The following HIKESHI variants were observed in gnomAD, a reference collection of about 807,000 sequenced individuals.
HIKESHI encodes heat shock protein nuclear import factor hikeshi.
In HIKESHI, 13 loss-of-function variants were observed where a neutral mutation model predicts 25.7. The ratio of observed to expected loss-of-function variants is 0.51; its 90% CI spans 0.33 to 0.80. HIKESHI has a LOEUF of 0.80. Ranked by LOEUF, HIKESHI falls within the 30% of genes least tolerant of loss-of-function variation. The pLI, the probability that HIKESHI is intolerant of heterozygous loss-of-function variation, is 0.02. For synonymous variants in HIKESHI, 76 were observed against 78.7 expected, an observed-to-expected ratio of 0.97 and a Z score of 0.18; for missense variants, 174 against 229.5, an observed-to-expected ratio of 0.76 and a Z score of 1.56.
rs1320763809 is a variant in HIKESHI at position 86,306,413 on chromosome 11, T to C, written c.199T>C (p.Trp67Arg). The C allele has an allele frequency of 6.2e-7, 1 of 1,614,066 alleles. No individual in the cohort carries two copies. The highest frequency in any genetic ancestry group is 2.2e-5 in the East Asian group (1 of 44,872). ...SYPDSNGMPV[W>R]QLLGFVTNGK... is the part of the protein sequence containing the mutation. The stretch of plus-strand genomic sequence containing the variant: ...TCCTGATTCAAATGGAATGCCAGTA[T>C]GGCAACTCCTAGGATTTGTCACGAA... The change falls in exon 2 of 5, where the codon TGG becomes CGG. Residue 67 changes from tryptophan to arginine, a missense_variant. Coordinates refer to ENST00000278483, the MANE Select transcript of HIKESHI (RefSeq NM_016401.4).
At chr11:86,307,361 G>A (rs1329887036) in intron 2 of HIKESHI, among the ~76,000 whole-genome samples, 1 of 85,106 alleles carries the variant, frequency 1.2e-5, no homozygotes, top group Non-Finnish European at 2.2e-5. Flanking sequence ...TATATATTAT[G>A]TGTAATATAC....
At chr11:86,310,571 T>G (rs1218514968) in intron 2 of HIKESHI, among the ~76,000 whole-genome samples, 1 of 152,210 alleles carries the variant, frequency 6.6e-6, no homozygotes, top group Admixed American at 6.5e-5. Flanking sequence ...TTTTGCCTGA[T>G]TGCCCTGGCC....
At chr11:86,319,217 AATATAT>A (rs139667221) in intron 2 of HIKESHI, among the ~76,000 whole-genome samples, 16 of 115,030 alleles carry the variant, frequency 1.4e-4, no homozygotes, top group Middle Eastern at 4.3e-3. Flanking sequence ...CTGGCTTAAA[AATATAT>A]ATATATATAT....
chr11:86,326,100 C>A (rs928032908), intron 2 of HIKESHI, among the ~76,000 whole-genome samples: 13 of 152,234 alleles, frequency 8.5e-5, no homozygotes, highest in Admixed American at 6.5e-4. Context: ...GAGTTCAAGA[C>A]CAGCCTGGCC....
At chr11:86,315,006 C>CACATA in intron 2 of HIKESHI, among the ~76,000 whole-genome samples, 1 of 151,992 alleles carries the variant, frequency 6.6e-6, no homozygotes. Flanking sequence ...GTACACATAC[C>CACATA]CTTTATACAT....
intron 3 of HIKESHI, among the ~76,000 whole-genome samples, chr11:86,340,918 C>T (rs1463339600): frequency 1.3e-5 from 2 of 152,224 alleles, no homozygotes; most frequent in African/African-American, 2.4e-5. Flanking sequence ...GTTGGGATTA[C>T]AGGCGTGAGC....
At chr11:86,313,693 C>T (rs528166838) in intron 2 of HIKESHI, among the ~76,000 whole-genome samples, 103 of 152,270 alleles carry the variant, frequency 6.8e-4, no homozygotes, top group African/African-American at 2.2e-3. Flanking sequence ...TAGAGGAAGA[C>T]ATTTCTGTAG....
At chr11:86,342,688 C>G (rs559073732) in intron 3 of HIKESHI, among the ~76,000 whole-genome samples, 1 of 150,022 alleles carries the variant, frequency 6.7e-6, no homozygotes, top group South Asian at 2.1e-4. Flanking sequence ...TTATGGAAAA[C>G]TAGTCCTAGC....
At chr11:86,340,962 A>T (rs535249176) in intron 3 of HIKESHI, among the ~76,000 whole-genome samples, 1 of 152,310 alleles carries the variant, frequency 6.6e-6, no homozygotes, top group East Asian at 1.9e-4. Flanking sequence ...GTAATATGTG[A>T]AACAGCTGTC....
chr11:86,317,304 CAG>C (rs1565727677), intron 2 of HIKESHI, among the ~76,000 whole-genome samples: 1 of 150,174 alleles, frequency 6.7e-6, no homozygotes, highest in East Asian at 2.0e-4. Context: ...GCCTGGGCAA[CAG>C]AGCAAGACTC....
chr11:86,306,990 ACT>A (rs893767249), intron 2 of HIKESHI, among the ~76,000 whole-genome samples: 8 of 145,854 alleles, frequency 5.5e-5, no homozygotes, highest in African/African-American at 2.0e-4. Flanking sequence ...ACAGAGCGAG[ACT>A]CTGTCTCAAA....
chr11:86,328,864 A>C (rs1947349299), intron 2 of HIKESHI, among the ~76,000 whole-genome samples: 1 of 151,504 alleles, frequency 6.6e-6, no homozygotes, highest in African/African-American at 2.4e-5. Context: ...GGTGTGAGCC[A>C]CTGCGCTCGG....
At chr11:86,341,020 T>G (rs997267057) in intron 3 of HIKESHI, among the ~76,000 whole-genome samples, 12 of 152,228 alleles carry the variant, frequency 7.9e-5, no homozygotes, top group Admixed American at 2.6e-4. Context: ...CCTTAGAAGC[T>G]ATGATTTTCA....
rs576975142 is a variant in HIKESHI at position 86,345,904 on chromosome 11, T to C, written c.*266T>C. ...TTTGGCTATGATTCATTTTTTTTACTTAAAAATAAAACCTATACCAAACAG... is the reference window on the plus strand; with the variant it reads ...TTTGGCTATGATTCATTTTTTTTACCTAAAAATAAAACCTATACCAAACAG... On this transcript the variant is annotated 3_prime_UTR_variant, in exon 5 of 5. Transcript: ENST00000278483. 1 of 233,086 alleles carries C rather than the reference T, an allele frequency of 4.3e-6. No homozygotes were observed. The highest frequency in any genetic ancestry group is 9.1e-5 in the East Asian group (1 of 11,042). The allele number at this position is 233,086 out of a possible 1,614,324, so 14.4% of individuals were successfully genotyped here. A position where few individuals can be genotyped will look rare whatever the true frequency, so the allele number is the denominator to read the frequency against.
At chr11:86,326,706 G>A (rs549089420) in intron 2 of HIKESHI, 2 of 363,926 alleles carry the variant, frequency 5.5e-6, no homozygotes, top group African/African-American at 4.2e-5. Flanking sequence ...GAAGTGGGTG[G>A]ATGGGAATCA....
chr11:86,330,144 C>T (rs1356907534), intron 2 of HIKESHI, among the ~76,000 whole-genome samples: 1 of 151,662 alleles, frequency 6.6e-6, no homozygotes, highest in African/African-American at 2.4e-5. Context: ...TTTAGTGGTT[C>T]CTCTAGGGAT....
At chr11:86,305,612 C>T (rs1300266063) in intron 1 of HIKESHI, among the ~76,000 whole-genome samples, 2 of 151,258 alleles carry the variant, frequency 1.3e-5, no homozygotes, top group African/African-American at 4.9e-5. Context: ...TTTCGAACTC[C>T]TGACGTCGTG....
chr11:86,328,322 G>A (rs1473802437), intron 2 of HIKESHI, among the ~76,000 whole-genome samples: 13 of 151,426 alleles, frequency 8.6e-5, no homozygotes, highest in Non-Finnish European at 1.9e-4. Context: ...GCAGTGGCAC[G>A]ATCTCAGCTC....
intron 2 of HIKESHI, among the ~76,000 whole-genome samples, chr11:86,312,328 C>T (rs532618550): frequency 6.6e-6 from 1 of 152,230 alleles, no homozygotes; most frequent in East Asian, 1.9e-4. Context: ...CCTTCTTTGT[C>T]TCTTTTGATC....
Sources: allele counts gnomAD v4.1 joint callset (sites outside exome capture counted in the v4.1 genomes callset), GRCh38; gene constraint gnomAD v4.1.1; transcripts MANE v1.5; gene names NCBI Gene and HGNC (gene_info 2026-07-23, HGNC 2026-07-21).